Variants in MTUS2 observed in about 807,000 individuals in gnomAD.
MTUS2 encodes the protein microtubule-associated tumor suppressor candidate 2.
MTUS2 carries 40 observed loss-of-function variants against 114.1 expected under a neutral mutation model. That is an observed-to-expected ratio of 0.35 (90% confidence interval 0.27 to 0.46). The LOEUF (loss-of-function observed/expected upper bound fraction) is 0.46. Among genes scored for constraint, MTUS2 ranks in the 20% least tolerant of loss-of-function variants. The pLI, the probability that MTUS2 is intolerant of heterozygous loss-of-function variation, is 1.00. For missense variants in MTUS2, 1,679 were observed against 1,705.4 expected, an observed-to-expected ratio of 0.98 and a Z score of 0.27; for synonymous variants, 688 against 672.0, an observed-to-expected ratio of 1.02 and a Z score of -0.37.
At chr13:29,311,482 G>A (rs1899759851) in intron 6 of MTUS2, among the ~76,000 whole-genome samples, 1 of 152,174 alleles carries the variant, frequency 6.6e-6, no homozygotes, top group Admixed American at 6.5e-5. Flanking sequence ...AATTTGGTTT[G>A]AAATAATGCA....
intron 5 of MTUS2, among the ~76,000 whole-genome samples, chr13:29,211,775 T>C (rs1055893851): frequency 2.0e-5 from 3 of 151,862 alleles, no homozygotes; most frequent in Non-Finnish European, 2.9e-5. Context: ...TTTCACACTT[T>C]AGACACTCAT....
chr13:29,383,374 A>C (rs1192735915), intron 8 of MTUS2, among the ~76,000 whole-genome samples: 4 of 152,132 alleles, frequency 2.6e-5, no homozygotes, highest in African/African-American at 9.7e-5. Context: ...GTCTATTTTA[A>C]GTTCATGGTC....
At chr13:28,923,327 T>C (rs1718125286) in intron 2 of MTUS2, among the ~76,000 whole-genome samples, 1 of 152,224 alleles carries the variant, frequency 6.6e-6, no homozygotes, top group Non-Finnish European at 1.5e-5. Context: ...CTTGGTATGA[T>C]GATTGAGTTC....
intron 4 of MTUS2, among the ~76,000 whole-genome samples, chr13:29,052,125 T>C (rs184527262): frequency 6.6e-6 from 1 of 152,344 alleles, no homozygotes; most frequent in East Asian, 1.9e-4. Context: ...ATTTTATTGC[T>C]GTAATTTTAC....
At chr13:29,063,325 C>T (rs975133510) in intron 4 of MTUS2, among the ~76,000 whole-genome samples, 4 of 152,126 alleles carry the variant, frequency 2.6e-5, no homozygotes, top group African/African-American at 9.7e-5. Context: ...AATAAATATA[C>T]CCAGTTGTAC....
At chr13:29,240,639 A>G (rs148991009) in intron 5 of MTUS2, among the ~76,000 whole-genome samples, 1 of 152,250 alleles carries the variant, frequency 6.6e-6, no homozygotes, top group Non-Finnish European at 1.5e-5. Flanking sequence ...TCAATGCACT[A>G]TAAAAATTTC....
At chr13:28,975,342 C>T (rs1428181160) in intron 2 of MTUS2, among the ~76,000 whole-genome samples, 2 of 152,344 alleles carry the variant, frequency 1.3e-5, no homozygotes, top group African/African-American at 2.4e-5. Flanking sequence ...GCCACAGAAA[C>T]GCGGCATGGT....
intron 5 of MTUS2, among the ~76,000 whole-genome samples, chr13:29,241,126 A>G (rs1479198999): frequency 6.6e-6 from 1 of 152,212 alleles, no homozygotes; most frequent in East Asian, 1.9e-4. Context: ...GAAAAGGGGA[A>G]GACCCTTCAA....
intron 2 of MTUS2, among the ~76,000 whole-genome samples, chr13:28,922,777 T>C (rs1881116122): frequency 6.6e-6 from 1 of 152,228 alleles, no homozygotes; most frequent in African/African-American, 2.4e-5. Flanking sequence ...GATATGAAGT[T>C]AAAACCAGGT....
chr13:29,076,652 C>T (rs890148157), intron 4 of MTUS2, among the ~76,000 whole-genome samples: 1 of 152,198 alleles, frequency 6.6e-6, no homozygotes, highest in African/African-American at 2.4e-5. Flanking sequence ...GTCCTCATGG[C>T]ATAGCTGGCT....
intron 4 of MTUS2, among the ~76,000 whole-genome samples, chr13:29,087,129 C>T (rs2479792): frequency 0.65 from 98,174 of 151,946 alleles, 32,808 homozygotes; most frequent in Non-Finnish European, 0.74. Context: ...CTAGGACTTC[C>T]AGCACTATGT....
intron 3 of MTUS2, among the ~76,000 whole-genome samples, chr13:29,030,212 C>T (rs1886752885): frequency 6.6e-6 from 1 of 152,102 alleles, no homozygotes; most frequent in African/African-American, 2.4e-5. Flanking sequence ...GGCACCACGT[C>T]AAGACTCAAG....
chr13:29,360,686 A>ACCC (rs1491454040), intron 8 of MTUS2, among the ~76,000 whole-genome samples: 3 of 38,578 alleles, frequency 7.8e-5, no homozygotes, highest in Non-Finnish European at 1.7e-4. Flanking sequence ...AAGTAGCCGA[A>ACCC]CACCCCCCCC....
chr13:29,433,871 C>G (rs1051313103), intron 8 of MTUS2, among the ~76,000 whole-genome samples: 3 of 152,114 alleles, frequency 2.0e-5, no homozygotes, highest in African/African-American at 7.2e-5. Flanking sequence ...TGCATGTGTG[C>G]CACATTTGAA....
rs187168264 is a variant in MTUS2, at chr13:29,255,117, G to A, written c.2645-26587G>A. Among the ~76,000 whole-genome samples the A allele has an allele frequency of 2.7e-3, 418 of 152,206 alleles. 1 individual carries two copies. The highest frequency in any genetic ancestry group is 9.5e-3 in the African/African-American group (395 of 41,520). On this transcript the variant is annotated intron_variant, in intron 5 of 15. Transcript: ENST00000612955. ...ATGCATCGGCAGTAAGTATCTCCCC[G>A]GTGAACATTTTCTGACAGCAGCCCC...
chr13:29,033,426 G>T (rs959633335), intron 3 of MTUS2, among the ~76,000 whole-genome samples: 23 of 152,098 alleles, frequency 1.5e-4, no homozygotes, highest in African/African-American at 5.6e-4. Context: ...GCCCAGTAAA[G>T]ATCTAATATA....
chr13:29,111,487 A>G (rs1890882191), intron 5 of MTUS2, among the ~76,000 whole-genome samples: 1 of 152,202 alleles, frequency 6.6e-6, no homozygotes, highest in South Asian at 2.1e-4. Flanking sequence ...GAGGAGGAGG[A>G]AACATTTTCA....
At chr13:28,984,284 T>A (rs1322378) in intron 2 of MTUS2, among the ~76,000 whole-genome samples, 46,154 of 152,028 alleles carry the variant, frequency 0.3, 7,476 homozygotes, top group African/African-American at 0.41. Flanking sequence ...CAGTTGAGAA[T>A]CTCTTGGGAA....
At chr13:28,926,379 T>C (rs1881327626) in intron 2 of MTUS2, among the ~76,000 whole-genome samples, 1 of 152,284 alleles carries the variant, frequency 6.6e-6, no homozygotes, top group Middle Eastern at 3.4e-3. Flanking sequence ...GGATTAACAA[T>C]TGGTGGTGGA....
Sources: gnomAD v4.1 joint callset for allele counts (sites outside exome capture counted in the v4.1 genomes callset) on GRCh38, gnomAD v4.1.1 for gene constraint, MANE v1.5 for transcripts, NCBI Gene and HGNC (gene_info 2026-07-23, HGNC 2026-07-21) for gene names.